The following RCAN2 variants were observed in gnomAD, a reference collection of about 807,000 sequenced individuals.
RCAN2 encodes the protein calcipressin-2.
In RCAN2, 9 loss-of-function variants were observed where a neutral mutation model predicts 23.6. The observed-to-expected ratio is 0.38, with a 90% confidence interval of 0.23 to 0.67. The LOEUF (loss-of-function observed/expected upper bound fraction) is 0.67. Among genes scored for constraint, RCAN2 ranks in the 30% least tolerant of loss-of-function variants. The pLI is 0.51. For missense variants in RCAN2, 273 were observed against 302.3 expected, an observed-to-expected ratio of 0.90 and a Z score of 0.72; for synonymous variants, 109 against 115.7, an observed-to-expected ratio of 0.94 and a Z score of 0.37.
intron 2 of RCAN2, among the ~76,000 whole-genome samples, chr6:46,442,843 C>T (rs1182162901): frequency 2.0e-5 from 3 of 152,076 alleles, no homozygotes; most frequent in African/African-American, 7.2e-5. Flanking sequence ...TCACTCAGTA[C>T]TGTGGAGAAG....
rs1052715813 is a variant in RCAN2 at position 46,491,256 on chromosome 6, G to C, written c.-86C>G. The C allele has an allele frequency of 7.9e-5, 12 of 151,270 alleles. No individual in the cohort carries two copies. Among genetic ancestry groups the C allele is most frequent in the African/African-American group, 2.9e-4 (12 of 41,266 alleles). The allele number at this position is 151,270 out of a possible 1,614,324, so 9.4% of individuals were successfully genotyped here. On this transcript the variant is annotated 5_prime_UTR_variant, in exon 1 of 5. Coordinates refer to ENST00000371374, the MANE Select transcript of RCAN2 (RefSeq NM_001251974.2). ...CTACGGGGGCCAGCTGCTAGCGCGC[G>C]GCGCTGCCTGCTCACCTGCCCGCCG...
chr6:46,354,013 G>T (rs1764746674), intron 2 of RCAN2, among the ~76,000 whole-genome samples: 1 of 152,060 alleles, frequency 6.6e-6, no homozygotes, highest in African/African-American at 2.4e-5. Context: ...GACATCTTTT[G>T]TTTGACATGG....
At chr6:46,271,828 C>T (rs1227373981) in intron 2 of RCAN2, among the ~76,000 whole-genome samples, 1 of 152,116 alleles carries the variant, frequency 6.6e-6, no homozygotes, top group African/African-American at 2.4e-5. Context: ...TGAATTAACA[C>T]ATAATACTGT....
chr6:46,469,432 G>A (rs1419467177), intron 1 of RCAN2, among the ~76,000 whole-genome samples: 3 of 152,180 alleles, frequency 2.0e-5, no homozygotes, highest in African/African-American at 2.4e-5. Flanking sequence ...CAGTGGCTAG[G>A]GCTCGTGGAG....
At chr6:46,263,467 G>GTTTGTA (rs1283152291) in intron 2 of RCAN2, among the ~76,000 whole-genome samples, 1 of 68,320 alleles carries the variant, frequency 1.5e-5, no homozygotes, top group African/African-American at 4.2e-5. Context: ...GTGTGTGTGT[G>GTTTGTA]TGTGTGTATG....
chr6:46,400,217 T>G (rs903181450), intron 2 of RCAN2, among the ~76,000 whole-genome samples: 1 of 152,178 alleles, frequency 6.6e-6, no homozygotes, highest in African/African-American at 2.4e-5. Flanking sequence ...CTCCCTGACA[T>G]GATCTTCCAC....
At chr6:46,454,873 T>G (rs1032862573) in intron 2 of RCAN2, among the ~76,000 whole-genome samples, 4 of 152,222 alleles carry the variant, frequency 2.6e-5, no homozygotes, top group Non-Finnish European at 5.9e-5. Context: ...CCCCTGTCCT[T>G]CTATGTCCTC....
At chr6:46,402,110 A>G (rs1343326138) in intron 2 of RCAN2, among the ~76,000 whole-genome samples, 3 of 152,192 alleles carry the variant, frequency 2.0e-5, no homozygotes, top group Admixed American at 1.3e-4. Flanking sequence ...TTAAATATTA[A>G]GAATGTGTGT....
At chr6:46,471,022 T>G (rs1311152523) in intron 1 of RCAN2, among the ~76,000 whole-genome samples, 1 of 152,166 alleles carries the variant, frequency 6.6e-6, no homozygotes, top group Non-Finnish European at 1.5e-5. Context: ...TATAGAGCAT[T>G]TGCTATTTTA....
intron 2 of RCAN2, among the ~76,000 whole-genome samples, chr6:46,447,214 A>T (rs896769223): frequency 4.6e-5 from 7 of 152,000 alleles, no homozygotes; most frequent in African/African-American, 1.2e-4. Flanking sequence ...AATTTATATT[A>T]AAAAAAGTAG....
intron 2 of RCAN2, among the ~76,000 whole-genome samples, chr6:46,333,383 G>A (rs943462112): frequency 1.3e-5 from 2 of 152,164 alleles, no homozygotes; most frequent in African/African-American, 2.4e-5. Context: ...TTTTACACCT[G>A]TATAGTATTC....
intron 2 of RCAN2, among the ~76,000 whole-genome samples, chr6:46,362,638 C>T (rs1286437991): frequency 6.6e-6 from 1 of 152,156 alleles, no homozygotes; most frequent in Admixed American, 6.5e-5. Flanking sequence ...CCTTCTTTAA[C>T]TGTAACTTGG....
chr6:46,297,139 C>T (rs1762749610), intron 2 of RCAN2, among the ~76,000 whole-genome samples: 1 of 152,112 alleles, frequency 6.6e-6, no homozygotes. Context: ...TGATCCTGAA[C>T]TTGCACAGCT....
Position 46,355,254 on chromosome 6 carries a change from G to A in RCAN2, c.225+101498C>T, listed in dbSNP as rs574663758. On this transcript the variant is annotated intron_variant, in intron 2 of 4. Coordinates refer to ENST00000371374, the MANE Select transcript of RCAN2 (RefSeq NM_001251974.2). ...GCTATTTTGGATCACAGGCCACTTT[G>A]TGAACATGATGGAAACTATGGAGTC... Among the ~76,000 whole-genome samples, 6 of 152,294 alleles carry A rather than the reference G, an allele frequency of 3.9e-5. No individual in the cohort carries two copies. In the South Asian group the frequency reaches 1.2e-3, roughly 32 times the overall value.
At chr6:46,289,925 C>G (rs1001992412) in intron 2 of RCAN2, among the ~76,000 whole-genome samples, 2 of 152,148 alleles carry the variant, frequency 1.3e-5, no homozygotes, top group East Asian at 3.8e-4. Context: ...ACACATGAAA[C>G]TTCTCAATCT....
rs559517261 is a variant in RCAN2, at chr6:46,247,602, A to ATGT, written c.400-686_400-684dup. ...TGTCCTATAAGTAGAATCACAGAAT[A>ATGT]TGTGACCTTTTGTGTCTGGCTTCTT... On this transcript the variant is annotated intron_variant, in intron 3 of 4. Transcript: ENST00000371374. Among the ~76,000 whole-genome samples the ATGT allele has an allele frequency of 7.8e-4, 119 of 152,342 alleles. 1 individual carries two copies. The highest frequency in any genetic ancestry group is 2.6e-3 in the African/African-American group (109 of 41,576).
At chr6:46,387,183 C>T (rs1474429839) in intron 2 of RCAN2, among the ~76,000 whole-genome samples, 1 of 152,130 alleles carries the variant, frequency 6.6e-6, no homozygotes, top group Admixed American at 6.6e-5. Flanking sequence ...ATTCAGGACA[C>T]AGGCATGGGC....
chr6:46,336,324 A>G (rs1055183441), intron 2 of RCAN2, among the ~76,000 whole-genome samples: 4 of 152,252 alleles, frequency 2.6e-5, no homozygotes, highest in African/African-American at 9.6e-5. Context: ...GTTTTCAGAG[A>G]CAGCAAGGCA....
At chr6:46,383,773 C>A (rs1036756158) in intron 2 of RCAN2, among the ~76,000 whole-genome samples, 2 of 152,188 alleles carry the variant, frequency 1.3e-5, no homozygotes, top group African/African-American at 2.4e-5. Flanking sequence ...TTAATTATCA[C>A]AGAAAGTTCT....
Sources: gnomAD v4.1 joint callset for allele counts (sites outside exome capture counted in the v4.1 genomes callset) on GRCh38, gnomAD v4.1.1 for gene constraint, MANE v1.5 for transcripts, NCBI Gene and HGNC (gene_info 2026-07-23, HGNC 2026-07-21) for gene names.